NFILZ: variants seen among roughly 807,000 people sequenced by gnomAD.
NFILZ encodes NFIL3 like protein.
intron 3 of NFILZ, among the ~76,000 whole-genome samples, chr19:8,643,859 T>A (rs1364529192): frequency 6.7e-6 from 1 of 148,554 alleles, no homozygotes; most frequent in African/African-American, 2.6e-5. Flanking sequence ...TCTATCTCTT[T>A]CTGTTGCTGT....
intron 3 of NFILZ, among the ~76,000 whole-genome samples, chr19:8,656,249 CACG>C (rs2042992838): frequency 4.0e-5 from 4 of 99,920 alleles, no homozygotes; most frequent in Non-Finnish European, 1.0e-4. Context: ...CTGCCTTCTC[CACG>C]CAGCCCATCT....
At chr19:8,633,930 CCTTCCTT>C (rs2042882886) in intron 2 of NFILZ, among the ~76,000 whole-genome samples, 1 of 143,922 alleles carries the variant, frequency 6.9e-6, no homozygotes, top group Admixed American at 7.2e-5. Flanking sequence ...TTCCTTCCTT[CCTTCCTT>C]CCTTCCTTCC....
At chr19:8,665,017 C>T (rs1375689900) in intron 3 of NFILZ, among the ~76,000 whole-genome samples, 1 of 152,118 alleles carries the variant, frequency 6.6e-6, no homozygotes, top group Non-Finnish European at 1.5e-5. Context: ...CCTTACCTAG[C>T]TTTCTGGACC....
At chr19:8,652,286 G>A (rs1232881417) in intron 3 of NFILZ, among the ~76,000 whole-genome samples, 1 of 152,074 alleles carries the variant, frequency 6.6e-6, no homozygotes, top group East Asian at 1.9e-4. Flanking sequence ...TGTACTTTTA[G>A]TAGAGACGGG....
intron 3 of NFILZ, among the ~76,000 whole-genome samples, chr19:8,665,516 T>G (rs1416579886): frequency 2.0e-5 from 3 of 152,180 alleles, no homozygotes; most frequent in Admixed American, 1.3e-4. Flanking sequence ...CTTAAACATT[T>G]TTTTAAGAGA....
At chr19:8,634,087 T>C (rs1224221769) in intron 2 of NFILZ, among the ~76,000 whole-genome samples, 8 of 151,868 alleles carry the variant, frequency 5.3e-5, no homozygotes, top group African/African-American at 1.9e-4. Context: ...AACCTCCACC[T>C]GCCAGGTTCA....
chr19:8,656,478 C>CT (rs1405737247), intron 3 of NFILZ, among the ~76,000 whole-genome samples: 27 of 76,010 alleles, frequency 3.6e-4, no homozygotes, highest in African/African-American at 1.2e-3. Context: ...CCCACCTTCT[C>CT]CCGCAGCCCA....
At chr19:8,674,419 A>C (rs2043102010) in intron 3 of NFILZ, among the ~76,000 whole-genome samples, 132 bp from the exon 4 acceptor site, 1 of 152,152 alleles carries the variant, frequency 6.6e-6, no homozygotes. Flanking sequence ...TCTACCTTAC[A>C]ACCTGGCACA....
chr19:8,637,179 G>T (rs1555746184), intron 3 of NFILZ, among the ~76,000 whole-genome samples: 5 of 152,082 alleles, frequency 3.3e-5, no homozygotes. Context: ...AGGCTGCAGT[G>T]AGCTAGGACT....
rs2042975833 is a variant in NFILZ at position 8,653,043 on chromosome 19, TCTCTCTCTC to T, written c.-164+17298_-164+17306del. Among the ~76,000 whole-genome samples the T allele has an allele frequency of 6.3e-3, 431 of 68,806 alleles. 1 individual carries two copies. Among genetic ancestry groups the T allele is most frequent in the African/African-American group, 9.0e-3 (149 of 16,600 alleles). The allele number at this position is 68,806 out of a possible 152,430, so 45.1% of individuals were successfully genotyped here. A position where few individuals can be genotyped will look rare whatever the true frequency, so the allele number is the denominator to read the frequency against. On this transcript the variant is annotated intron_variant, in intron 3 of 5. Transcript: ENST00000691075. ...TTCTTTCTTTCTTTCTTTCTTTCTC[TCTCTCTCTC>T]TCTCTCTCTCTCTCTCTCTCTCTCT...
chr19:8,656,427 C>T (rs1415734452), intron 3 of NFILZ, among the ~76,000 whole-genome samples: 13 of 32,954 alleles, frequency 3.9e-4, no homozygotes, highest in Admixed American at 1.2e-3. Flanking sequence ...CACCTCTTTC[C>T]GCAGCCCACC....
intron 3 of NFILZ, among the ~76,000 whole-genome samples, chr19:8,643,762 A>C: frequency 6.6e-6 from 1 of 152,126 alleles, no homozygotes. Flanking sequence ...CAGCTTGCAG[A>C]AAGCAGATCA....
intron 3 of NFILZ, among the ~76,000 whole-genome samples, chr19:8,662,179 T>G (rs1330935533): frequency 1.4e-5 from 2 of 147,202 alleles, no homozygotes; most frequent in Non-Finnish European, 3.0e-5. Context: ...CACTCAGGCC[T>G]GGGTGACAGA....
At chr19:8,652,999 C>CTTTCTTTCTTTCTTTCTTTCTTT (rs2042973424) in intron 3 of NFILZ, among the ~76,000 whole-genome samples, 1 of 45,096 alleles carries the variant, frequency 2.2e-5, no homozygotes, top group African/African-American at 9.0e-5. Flanking sequence ...TTCCTTCCTT[C>CTTTCTTTCTTTCTTTCTTTCTTT]CTTCCTTCCT....
chr19:8,665,721 G>C (rs567691167), intron 3 of NFILZ, among the ~76,000 whole-genome samples: 83 of 152,164 alleles, frequency 5.5e-4, no homozygotes, highest in Non-Finnish European at 9.7e-4. Flanking sequence ...CTGCATCCTT[G>C]CTAGCATTAG....
intron 3 of NFILZ, among the ~76,000 whole-genome samples, chr19:8,641,295 G>A (rs7508668): frequency 0.065 from 9,792 of 151,230 alleles, 486 homozygotes; most frequent in East Asian, 0.3. Flanking sequence ...CAAGCAATCC[G>A]CTCACCTCAG....
intron 3 of NFILZ, among the ~76,000 whole-genome samples, chr19:8,665,647 A>T (rs1409091138): frequency 1.3e-5 from 2 of 152,136 alleles, no homozygotes; most frequent in African/African-American, 4.8e-5. Flanking sequence ...GACTCATTTC[A>T]CATTTCTCAA....
In NFILZ at chr19:8,661,706, A is replaced by G. The variant is rs1555749140; in HGVS notation, c.-163-12845A>G. Among the ~76,000 whole-genome samples, 8 of 152,304 alleles carry G rather than the reference A, an allele frequency of 5.3e-5. No homozygotes were observed. In the South Asian group the frequency reaches 1.7e-3, roughly 32 times the overall value. ...CAGGAGTTCGAGACCAGCCTGGCCA[A>G]CATCGTGAAACCTTGTTTCTACTAA... On this transcript the variant is annotated intron_variant, in intron 3 of 5. Transcript: ENST00000691075.
rs2043121553 is a variant in NFILZ, at chr19:8,678,061, T to TATCCATCCACCCTTCCATCC, written c.*428_*429insCCATCCACCCTTCCATCCAT. ...CCATCCATCCATCCATCCACCCATC[T>TATCCATCCACCCTTCCATCC]ATTCATCCATCCATCAATCCATCCA... On this transcript the variant is annotated 3_prime_UTR_variant, in exon 6 of 6. Coordinates refer to ENST00000691075, the MANE Select transcript of NFILZ (RefSeq NM_001378600.1). Among the ~76,000 whole-genome samples, 1 of 7,920 alleles carries TATCCATCCACCCTTCCATCC rather than the reference T, an allele frequency of 1.3e-4. No individual in the cohort carries two copies. Among genetic ancestry groups the TATCCATCCACCCTTCCATCC allele is most frequent in the Admixed American group, 1.3e-3 (1 of 770 alleles). 5.2% of individuals were successfully genotyped at this position (7,920 alleles called of 152,430 possible).
Sources: allele counts gnomAD v4.1 joint callset (sites outside exome capture counted in the v4.1 genomes callset), GRCh38; gene constraint gnomAD v4.1.1; transcripts MANE v1.5; gene names NCBI Gene and HGNC (gene_info 2026-07-23, HGNC 2026-07-21).